The following GFRA2 variants were observed in gnomAD, a reference collection of about 807,000 sequenced individuals.
GFRA2 encodes GDNF family receptor alpha 2, also known as GDNF family receptor alpha-2.
A neutral mutation model predicts 48.3 loss-of-function variants in GFRA2; 17 were observed. That is an observed-to-expected ratio of 0.35 (90% confidence interval 0.24 to 0.53). GFRA2 has a LOEUF of 0.53. GFRA2 is among the 20% of genes least tolerant of loss of function. The probability of loss-of-function intolerance (pLI) is 0.93; values close to 1 mark genes in which losing one functional copy is unlikely to be tolerated. For synonymous variants in GFRA2, 305 were observed against 257.2 expected (o/e 1.19, Z -1.78); for missense variants, 660 against 637.3 (o/e 1.04, Z -0.38).
chr8:21,804,933 C>A (rs17581368), intron 2 of GFRA2: 58,580 of 151,876 alleles, frequency 0.39, 11,675 homozygotes, highest in East Asian at 0.55. Flanking sequence ...CCATCCCCAA[C>A]AGTGTCCACC....
At chr8:21,794,743 G>C (rs1019047319) in intron 2 of GFRA2, among the ~76,000 whole-genome samples, 1 of 152,006 alleles carries the variant, frequency 6.6e-6, no homozygotes, top group Non-Finnish European at 1.5e-5. Flanking sequence ...CTGGCAAGTT[G>C]ACCCCTCGCC....
rs371828051 is a variant in GFRA2 at position 21,783,132 on chromosome 8, C to T, written c.41-233G>A. On this transcript the variant is annotated intron_variant, in intron 1 of 8. Coordinates refer to ENST00000524240, the MANE Select transcript of GFRA2 (RefSeq NM_001495.5). ...TTTGCACTCCATTCCTCCTCAGCAG[C>T]GGCCCTGGGCCTAGGAGCACAGCAC... The T allele has an allele frequency of 3.1e-3, 2,120 of 678,678 alleles. 32 individuals carry two copies. The African/African-American group carries it at 0.033, about 11-fold the overall frequency. The allele number at this position is 678,678 out of a possible 1,614,324, so 42.0% of individuals were successfully genotyped here. A position where few individuals can be genotyped will look rare whatever the true frequency, so the allele number is the denominator to read the frequency against.
intron 4 of GFRA2, among the ~76,000 whole-genome samples, chr8:21,709,697 CA>C (rs1195313933): frequency 1.3e-5 from 2 of 152,172 alleles, no homozygotes; most frequent in Admixed American, 6.5e-5. Flanking sequence ...ACACTCTCTG[CA>C]GGTACTGGGA....
At chr8:21,694,412 C>A in intron 8 of GFRA2, 52 bp downstream of exon 8, 7 of 1,534,602 alleles carry the variant, frequency 4.6e-6, no homozygotes, top group Non-Finnish European at 6.2e-6. Context: ...GGAAATGCCG[C>A]CCCCCACCGG....
At chr8:21,765,821 T>A (rs556158825) in intron 3 of GFRA2, among the ~76,000 whole-genome samples, 3 of 152,178 alleles carry the variant, frequency 2.0e-5, no homozygotes, top group Non-Finnish European at 2.9e-5. Flanking sequence ...ACAAGCAGCT[T>A]CACTGTTGTT....
chr8:21,792,323 G>C (rs1807587073), upstream of GFRA2, among the ~76,000 whole-genome samples: 1 of 152,164 alleles, frequency 6.6e-6, no homozygotes, highest in Admixed American at 6.5e-5. Flanking sequence ...CCTGACCCCA[G>C]AGATAAAAAT....
chr8:21,804,224 A>AT (rs1807819880), intron 2 of GFRA2, among the ~76,000 whole-genome samples: 1 of 151,388 alleles, frequency 6.6e-6, no homozygotes, highest in South Asian at 2.1e-4. Context: ...ACACACACAC[A>AT]CACACATGCA....
At position 21,743,156 on chromosome 8, in the gene GFRA2, C is replaced by A. The variant is rs80116753; in HGVS notation, c.794+7432G>T. Among the ~76,000 whole-genome samples the A allele has an allele frequency of 2.9e-3, 449 of 152,246 alleles. 5 individuals are homozygous for A. The highest frequency in any genetic ancestry group is 0.011 in the African/African-American group (439 of 41,544). ...GCAGAGCCCCTACTGAGACCAGCAA[C>A]AGCAGCCACATGGGATCCCCAAGGG... On this transcript the variant is annotated intron_variant, in intron 4 of 8. Transcript: ENST00000524240.
At chr8:21,706,486 A>C in intron 4 of GFRA2, 1 of 457,098 alleles carries the variant, frequency 2.2e-6, no homozygotes, top group East Asian at 6.9e-5. Flanking sequence ...AAAACAGGTG[A>C]CTAGTCCCTT....
intron 2 of GFRA2, among the ~76,000 whole-genome samples, chr8:21,799,930 G>A (rs1389517108): frequency 1.3e-5 from 2 of 152,212 alleles, no homozygotes; most frequent in Non-Finnish European, 2.9e-5. Context: ...AGCTGGCCTT[G>A]TGCCCTCCCA....
chr8:21,788,031 T>TACC, intron 1 of GFRA2, 89 bp downstream of exon 1: 3 of 432,228 alleles, frequency 6.9e-6, no homozygotes, highest in Admixed American at 4.9e-5. Flanking sequence ...CCCGCCGACC[T>TACC]CCCGCCAGCC....
intron 4 of GFRA2, among the ~76,000 whole-genome samples, chr8:21,721,168 G>A (rs1004454632): frequency 1.3e-5 from 2 of 152,164 alleles, no homozygotes; most frequent in Middle Eastern, 3.2e-3. Context: ...CAGATCTTCA[G>A]CTAGCAGCAA....
Position 21,796,861 on chromosome 8 carries a change from A to G in GFRA2, c.-36+8156T>C, listed in dbSNP as rs1807685825. Among the ~76,000 whole-genome samples, 2 of 152,230 alleles carry G rather than the reference A, an allele frequency of 1.3e-5. 1 individual carries two copies. Among genetic ancestry groups the G allele is most frequent in the Admixed American group, 1.3e-4 (2 of 15,284 alleles). On this transcript the variant is annotated intron_variant, in intron 2 of 10. Transcript: ENST00000517328. ...TGTAGGTTGGAAGGAGCCCTCCATG[A>G]CAACAATAATGAACTACCAGCAAGT...
chr8:21,793,321 G>A (rs1409140738), upstream of GFRA2, among the ~76,000 whole-genome samples: 1 of 152,154 alleles, frequency 6.6e-6, no homozygotes, highest in Non-Finnish European at 1.5e-5. Flanking sequence ...CAATTAGGAG[G>A]TGATTGTAAC....
intron 7 of GFRA2, among the ~76,000 whole-genome samples, chr8:21,700,822 C>G (rs1043984976): frequency 6.6e-6 from 1 of 152,134 alleles, no homozygotes; most frequent in Non-Finnish European, 1.5e-5. Context: ...CAGGCTCCCC[C>G]ACCCTTCCTC....
intron 8 of GFRA2, among the ~76,000 whole-genome samples, 171 bp downstream of exon 8, chr8:21,694,293 G>C (rs374115231): frequency 6.6e-6 from 1 of 151,568 alleles, no homozygotes; most frequent in East Asian, 2.0e-4. Context: ...TGCAGCCTTC[G>C]CACTCCCCCA....
intron 2 of GFRA2, among the ~76,000 whole-genome samples, chr8:21,778,137 C>T (rs1420058626): frequency 1.3e-5 from 2 of 152,210 alleles, no homozygotes; most frequent in Non-Finnish European, 2.9e-5. Flanking sequence ...CAATCCTACA[C>T]ACATCGCTCC....
At chr8:21,758,743 C>G (rs1308893281) in intron 3 of GFRA2, among the ~76,000 whole-genome samples, 1 of 152,172 alleles carries the variant, frequency 6.6e-6, no homozygotes, top group East Asian at 1.9e-4. Context: ...CACACCAGTG[C>G]AAGACTCTCA....
At chr8:21,715,089 C>T (rs993632557) in intron 4 of GFRA2, among the ~76,000 whole-genome samples, 11 of 152,196 alleles carry the variant, frequency 7.2e-5, no homozygotes, top group African/African-American at 2.7e-4. Context: ...TTTCCCACAC[C>T]TCCAGGGCTC....
Sources: allele counts gnomAD v4.1 joint callset (sites outside exome capture counted in the v4.1 genomes callset), GRCh38; gene constraint gnomAD v4.1.1; transcripts MANE v1.5; gene names NCBI Gene and HGNC (gene_info 2026-07-23, HGNC 2026-07-21).